Variants in ACYP1 observed in about 807,000 individuals in gnomAD.
ACYP1 encodes acylphosphatase-1.
A neutral mutation model predicts 10.4 loss-of-function variants in ACYP1; 8 were observed. The ratio of observed to expected loss-of-function variants is 0.77; its 90% CI spans 0.45 to 1.38. The LOEUF (loss-of-function observed/expected upper bound fraction) is 1.38, where lower values mean the gene tolerates loss of function less well. Ranked by LOEUF, ACYP1 falls within the 40% of genes most tolerant of loss-of-function variation. The pLI, the probability that ACYP1 is intolerant of heterozygous loss-of-function variation, is 0.00. For synonymous variants in ACYP1, 38 were observed against 40.8 expected, an observed-to-expected ratio of 0.93 and a Z score of 0.26; for missense variants, 93 against 117.3, an observed-to-expected ratio of 0.79 and a Z score of 0.96.
chr14:75,064,106 G>C, upstream of ACYP1: 1 of 919,216 alleles, frequency 1.1e-6, no homozygotes, highest in Non-Finnish European at 1.3e-6. Context: ...ACCAATCAGA[G>C]ACGGCGCCTC....
In ACYP1 at chr14:75,053,314, A is replaced by G; in HGVS notation, c.*130T>C. The G allele has an allele frequency of 1.2e-6, 1 of 803,626 alleles. No individual in the cohort carries two copies. The highest frequency in any genetic ancestry group is 2.0e-6 in the Non-Finnish European group (1 of 496,822). 49.8% of individuals were successfully genotyped at this position (803,626 alleles called of 1,614,324 possible). A position where few individuals can be genotyped will look rare whatever the true frequency, so the allele number is the denominator to read the frequency against. On this transcript the variant is annotated 3_prime_UTR_variant, in exon 3 of 3. Transcript: ENST00000238618. ...CCTTCCATCATACAGGTAATATATA[A>G]TAACATTCAAAAATCTGACATTAAA... is the stretch of plus-strand genomic sequence containing the variant.
chr14:75,062,842 G>C (rs915679062), intron 2 of ACYP1, among the ~76,000 whole-genome samples: 3 of 152,178 alleles, frequency 2.0e-5, no homozygotes, highest in African/African-American at 7.2e-5. Context: ...GCTGCCAACA[G>C]TTTGTCCATC....
At chr14:75,060,958 C>G (rs1456587297) in intron 2 of ACYP1, among the ~76,000 whole-genome samples, 1 of 151,990 alleles carries the variant, frequency 6.6e-6, no homozygotes, top group Non-Finnish European at 1.5e-5. Context: ...TCCCGGCTAC[C>G]TGGGATGCTG....
upstream of ACYP1, among the ~76,000 whole-genome samples, chr14:75,068,667 T>C (rs977704104): frequency 5.3e-5 from 8 of 150,398 alleles, no homozygotes; most frequent in Admixed American, 5.3e-4. Flanking sequence ...TGGAGCTGCA[T>C]ATACGGAGAG....
At chr14:75,054,275 C>T (rs1191670531) in intron 2 of ACYP1, among the ~76,000 whole-genome samples, 1 of 146,084 alleles carries the variant, frequency 6.8e-6, no homozygotes, top group East Asian at 2.0e-4. Context: ...AAAAGGAAAG[C>T]AGCTGGTGTT....
intron 2 of ACYP1, among the ~76,000 whole-genome samples, chr14:75,062,100 T>TC (rs1271292204): frequency 9.5e-4 from 5 of 5,262 alleles, no homozygotes; most frequent in African/African-American, 3.0e-3. Flanking sequence ...AAACTCTGTC[T>TC]CAAAAAAAAA....
chr14:75,069,220 C>T (rs1161924772), exon 1 of ACYP1: 2 of 1,511,834 alleles, frequency 1.3e-6, no homozygotes, highest in South Asian at 2.4e-5. Flanking sequence ...CTGGGGCCCG[C>T]CCAGCGCAGC....
chr14:75,053,725 G>T, intron 2 of ACYP1, 66 bp from the exon 3 acceptor site: 1 of 1,465,914 alleles, frequency 6.8e-7, no homozygotes, highest in Non-Finnish European at 9.5e-7. Flanking sequence ...ACTACAATCT[G>T]TTGCCAGAAT....
chr14:75,069,188 G>A, intron 1 of ACYP1: 1 of 1,516,210 alleles, frequency 6.6e-7, no homozygotes, highest in East Asian at 2.6e-5. Flanking sequence ...GACAAGCAAG[G>A]AGCGCGCGCG....
chr14:75,053,515 C>T lies in ACYP1; in HGVS notation c.229G>A (p.Asp77Asn), dbSNP rs113807807. The part of the protein sequence containing the change: ...ETRGSPKSHI[D>N]KANFNNEKVI... ...TTTTCATTGTTGAAGTTTGCTTTGT[C>T]GATGTGTGATTTAGGACTTCCTCTT... The change falls in exon 3 of 3, where the codon GAC becomes AAC. Residue 77 changes from aspartate to asparagine, a missense_variant. By Grantham distance (23) the Asp-to-Asn change is conservative. Transcript: ENST00000238618. 28 of 1,613,992 alleles carry T rather than the reference C, an allele frequency of 1.7e-5. No individual in the cohort carries two copies. Among genetic ancestry groups the T allele is most frequent in the East Asian group, 2.2e-5 (1 of 44,902 alleles).
intron 2 of ACYP1, among the ~76,000 whole-genome samples, chr14:75,054,609 A>AT (rs1892829811): frequency 6.6e-6 from 1 of 151,612 alleles, no homozygotes. Flanking sequence ...TTGCATGTCA[A>AT]AATGTGGGAA....
chr14:75,069,210 C>T (rs1893231069), exon 1 of ACYP1: 8 of 1,515,558 alleles, frequency 5.3e-6, no homozygotes, highest in Non-Finnish European at 7.0e-6. Flanking sequence ...GCAGCCATAC[C>T]TGGGGCCCGC....
intron 1 of ACYP1, 61 bp from the exon 2 acceptor site, chr14:75,063,622 A>C (rs1277760105): frequency 2.1e-6 from 3 of 1,413,422 alleles, no homozygotes; most frequent in Non-Finnish European, 3.0e-6. Flanking sequence ...CGCAAGCCTG[A>C]GTCAGAAAGG....
At chr14:75,069,086 A>G in intron 1 of ACYP1, 1 of 979,820 alleles carries the variant, frequency 1.0e-6, no homozygotes, top group Non-Finnish European at 1.5e-6. Context: ...AAAACATTAT[A>G]ATATCAAAAT....
exon 1 of ACYP1, chr14:75,069,308 G>A (rs1893239191): frequency 7.0e-7 from 1 of 1,425,390 alleles, no homozygotes. Context: ...GCGGAAGCAC[G>A]CGGAGGCACA....
intron 2 of ACYP1, chr14:75,061,842 C>G: frequency 9.2e-7 from 1 of 1,085,034 alleles, no homozygotes. Flanking sequence ...TGGCTCACAC[C>G]TGTAATCCCA....
At chr14:75,058,523 C>T (rs1892940102) in intron 2 of ACYP1, among the ~76,000 whole-genome samples, 1 of 151,208 alleles carries the variant, frequency 6.6e-6, no homozygotes, top group African/African-American at 2.5e-5. Flanking sequence ...CCCTCCCACC[C>T]CCCAGGAAGA....
chr14:75,067,092 C>A (rs139944188), upstream of ACYP1, among the ~76,000 whole-genome samples: 8 of 151,906 alleles, frequency 5.3e-5, no homozygotes, highest in East Asian at 1.5e-3. Flanking sequence ...ATGAGAAAGA[C>A]TAAAGCTAAG....
At position 75,053,388 on chromosome 14, in the gene ACYP1, A is replaced by C; in HGVS notation, c.*56T>G. 6.9e-7 allele frequency: 1 copy of C among 1,459,026 alleles called. No homozygotes were observed. The highest frequency in any genetic ancestry group is 2.3e-5 in the East Asian group (1 of 44,142). 90.4% of individuals were successfully genotyped at this position (1,459,026 alleles called of 1,614,324 possible). On this transcript the variant is annotated 3_prime_UTR_variant, in exon 3 of 3. Coordinates refer to ENST00000238618, the MANE Select transcript of ACYP1 (RefSeq NM_001107.5). ...ATTAACACACAATAGTTCTATCTCT[A>C]TTAATAATAAAAACCAAACCACTGA...
Sources: gnomAD v4.1 joint callset for allele counts (sites outside exome capture counted in the v4.1 genomes callset) on GRCh38, gnomAD v4.1.1 for gene constraint, MANE v1.5 for transcripts, NCBI Gene and HGNC (gene_info 2026-07-23, HGNC 2026-07-21) for gene names.